Variants in IFNAR2 observed in about 807,000 individuals in gnomAD.
The protein encoded by IFNAR2 is interferon alpha/beta receptor 2.
In IFNAR2, 30 loss-of-function variants were observed where a neutral mutation model predicts 49.4. That is an observed-to-expected ratio of 0.61 (90% CI 0.45 to 0.82). The LOEUF (loss-of-function observed/expected upper bound fraction) is 0.82. Ranked by LOEUF, IFNAR2 falls within the 40% of genes least tolerant of loss-of-function variation. The probability of loss-of-function intolerance (pLI) is 0.00; values close to 1 mark genes in which losing one functional copy is unlikely to be tolerated. For missense variants in IFNAR2, 600 were observed against 622.7 expected, an observed-to-expected ratio of 0.96 and a Z score of 0.39; for synonymous variants, 224 against 234.5, an observed-to-expected ratio of 0.96 and a Z score of 0.41.
At chr21:33,237,526 C>T (rs1290153349) in intron 1 of IFNAR2, among the ~76,000 whole-genome samples, 1 of 152,098 alleles carries the variant, frequency 6.6e-6, no homozygotes, top group Non-Finnish European at 1.5e-5. Flanking sequence ...CAGAGTGAGA[C>T]CCTGTCTCAA....
chr21:33,239,057 A>C (rs752641689), intron 1 of IFNAR2, among the ~76,000 whole-genome samples: 2 of 152,188 alleles, frequency 1.3e-5, no homozygotes, highest in African/African-American at 4.8e-5. Context: ...TGGTTATGTA[A>C]ATTGGTATAG....
In IFNAR2 at chr21:33,248,873, T is replaced by G. The variant is rs546477983; in HGVS notation, c.540+19T>G. On this transcript the variant is annotated intron_variant, in intron 6 of 8. Transcript: ENST00000342136. ...TAAGAAGGTAAGTGGCTTCTCCTGT[T>G]AGGATCAAAACAGTTCTGAGTGGGC... The G allele has an allele frequency of 1.9e-6, 3 of 1,570,838 alleles. No homozygotes were observed. The Admixed American group carries it at 5.4e-5, about 28-fold the overall frequency.
intron 1 of IFNAR2, among the ~76,000 whole-genome samples, chr21:33,239,828 G>T (rs545411453): frequency 3.3e-3 from 372 of 111,914 alleles, no homozygotes; most frequent in Middle Eastern, 0.01. Context: ...GCCCAGAGTG[G>T]TCACAGCCCT....
At chr21:33,234,991 G>A (rs1986339962) in intron 1 of IFNAR2, among the ~76,000 whole-genome samples, 1 of 152,220 alleles carries the variant, frequency 6.6e-6, no homozygotes, top group Non-Finnish European at 1.5e-5. Context: ...CTGCAAAAGG[G>A]GTGGGAGTTC....
At chr21:33,252,901 A>G (rs749581924) in intron 7 of IFNAR2, 71 bp downstream of exon 7, 25 of 1,232,922 alleles carry the variant, frequency 2.0e-5, no homozygotes, top group Non-Finnish European at 2.8e-5. Context: ...CTATTTAAAG[A>G]AAAGAATCTG....
At chr21:33,262,604 G>C (rs553002118) in intron 8 of IFNAR2, 189 bp from the exon 9 acceptor site, 1 of 791,032 alleles carries the variant, frequency 1.3e-6, no homozygotes. Context: ...GCTATTCACA[G>C]GTGCAGTCAT....
intron 8 of IFNAR2, among the ~76,000 whole-genome samples, chr21:33,262,270 C>T (rs1988632095): frequency 6.8e-6 from 1 of 147,476 alleles, no homozygotes; most frequent in African/African-American, 2.5e-5. Flanking sequence ...GAGGCTGAGG[C>T]AGAGAATTGC....
intron 6 of IFNAR2, chr21:33,252,088 CTATCT>C: frequency 2.4e-6 from 1 of 416,706 alleles, no homozygotes; most frequent in Non-Finnish European, 5.0e-6. Flanking sequence ...ATCCATCTAT[CTATCT>C]ATCTATCTAT....
At chr21:33,251,609 ACAT>A (rs1390398490) in intron 6 of IFNAR2, 10 of 985,288 alleles carry the variant, frequency 1.0e-5, no homozygotes, top group Non-Finnish European at 1.2e-5. Context: ...TTACAGAAAA[ACAT>A]CATTACTGAA....
intron 6 of IFNAR2, among the ~76,000 whole-genome samples, chr21:33,249,955 A>G (rs1468285821): frequency 6.6e-6 from 1 of 151,864 alleles, no homozygotes; most frequent in Non-Finnish European, 1.5e-5. Context: ...ACCTGGTAGG[A>G]GTTTGTGGGT....
chr21:33,242,728 CA>C lies in IFNAR2; in HGVS notation c.55+771del, dbSNP rs1182507309. 1.2e-3 allele frequency among the ~76,000 whole-genome samples: 59 copies of C among 48,580 alleles called. 2 individuals carry two copies. Among genetic ancestry groups the C allele is most frequent in the Admixed American group, 4.0e-3 (16 of 4,002 alleles). 31.9% of individuals were successfully genotyped at this position (48,580 alleles called of 152,430 possible). ...AGCCTGACAGAGCAAGACTCTGTCT[CA>C]AAAAAAAAAAAAAAAAAAATCTCGT... is the stretch of plus-strand genomic sequence containing the variant. On this transcript the variant is annotated intron_variant, in intron 2 of 8. Coordinates refer to ENST00000342136, the MANE Select transcript of IFNAR2 (RefSeq NM_001289125.3).
chr21:33,248,669 C>G (rs756304071), intron 5 of IFNAR2, 40 bp from the exon 6 acceptor site: 2 of 1,560,260 alleles, frequency 1.3e-6, no homozygotes. Context: ...CACATATGGT[C>G]TCTGTGACAT....
chr21:33,262,706 C>T (rs1170155296), intron 8 of IFNAR2, 87 bp from the exon 9 acceptor site: 2 of 1,552,222 alleles, frequency 1.3e-6, no homozygotes, highest in Non-Finnish European at 1.8e-6. Flanking sequence ...TCCCTGTGCC[C>T]CAGTGATTAA....
rs753111606 is a variant in IFNAR2 at position 33,245,060 on chromosome 21, G to A, written c.207G>A (p.Leu69=). The change falls in exon 4 of 9, where the codon CTG becomes CTA. Residue 69 remains leucine (L), a synonymous_variant. Transcript: ENST00000342136. ...HSIVPTHYTL[L]YTIMSKPEDL... ...TTGTACCAACTCACTATACATTGCT[G>A]TATACAATCATGAGGTTGGTTTGAT... is the stretch of plus-strand genomic sequence containing the variant. The A allele has an allele frequency of 8.3e-5, 134 of 1,609,400 alleles. No homozygotes were observed. The highest frequency in any genetic ancestry group is 1.0e-4 in the Non-Finnish European group (119 of 1,175,922).
chr21:33,247,246 C>CTTTTTTTTTTT (rs71194830), intron 5 of IFNAR2, among the ~76,000 whole-genome samples: 1 of 101,246 alleles, frequency 9.9e-6, no homozygotes, highest in Admixed American at 9.9e-5. Flanking sequence ...TTCTTTCTTT[C>CTTTTTTTTTTT]TTTCTTTCTT....
At chr21:33,257,574 T>C (rs577093512) in intron 7 of IFNAR2, among the ~76,000 whole-genome samples, 1 of 148,176 alleles carries the variant, frequency 6.7e-6, no homozygotes, top group African/African-American at 2.5e-5. Flanking sequence ...TTGGTGCGTT[T>C]TAGAGTGCTG....
In IFNAR2 at chr21:33,252,648, G is replaced by A; in HGVS notation, c.541-14G>A. On this transcript the variant is annotated splice_polypyrimidine_tract_variant and intron_variant, in intron 6 of 8. Transcript: ENST00000342136. ...AAATTCTCAGTCTTACTGATTTTTTGCTTATGTTTACAGCATAAACCCGAA... is the reference window on the plus strand; with the variant it reads ...AAATTCTCAGTCTTACTGATTTTTTACTTATGTTTACAGCATAAACCCGAA... The A allele has an allele frequency of 6.2e-7, 1 of 1,600,872 alleles. No homozygotes were observed. Among genetic ancestry groups the A allele is most frequent in the East Asian group, 2.2e-5 (1 of 44,770 alleles).
At chr21:33,251,755 G>T in intron 6 of IFNAR2, 5 of 985,350 alleles carry the variant, frequency 5.1e-6, no homozygotes, top group Non-Finnish European at 6.0e-6. Flanking sequence ...ATTCTGAAGT[G>T]AAATGCAACT....
In IFNAR2 at chr21:33,229,952, A is replaced by G. The variant is rs1041602613; in HGVS notation, c.-348A>G. 29 of 983,106 alleles carry G rather than the reference A, an allele frequency of 2.9e-5. No individual in the cohort carries two copies. The African/African-American group carries it at 4.9e-4, about 17-fold the overall frequency. 60.9% of individuals were successfully genotyped at this position (983,106 alleles called of 1,614,324 possible). A position where few individuals can be genotyped will look rare whatever the true frequency, so the allele number is the denominator to read the frequency against. ...CCCGCGCTTCCGTATCGCTCCTCGT[A>G]GGCCGGGGCTCGGCGCGCGCACCCG... On this transcript the variant is annotated 5_prime_UTR_variant, in exon 1 of 9. Transcript: ENST00000342136.
Sources: gnomAD v4.1 joint callset for allele counts (sites outside exome capture counted in the v4.1 genomes callset) on GRCh38, gnomAD v4.1.1 for gene constraint, MANE v1.5 for transcripts, NCBI Gene and HGNC (gene_info 2026-07-23, HGNC 2026-07-21) for gene names.